The following FILIP1 variants were observed in gnomAD, a reference collection of about 807,000 sequenced individuals.
FILIP1 encodes the protein filamin A interacting protein 1, also known as filamin-A-interacting protein 1.
FILIP1 carries 61 observed loss-of-function variants against 102.1 expected under a neutral mutation model. That is an observed-to-expected ratio of 0.60 (90% confidence interval 0.49 to 0.74). FILIP1 has a LOEUF of 0.74. FILIP1 is among the 30% of genes least tolerant of loss of function. The pLI, the probability that FILIP1 is intolerant of heterozygous loss-of-function variation, is 0.00. For synonymous variants in FILIP1, 491 were observed against 526.9 expected (o/e 0.93, Z 0.93); for missense variants, 1,314 against 1,441.2 (o/e 0.91, Z 1.43).
chr6:75,319,733 G>T, intron 4 of FILIP1: 1 of 323,190 alleles, frequency 3.1e-6, no homozygotes, highest in Non-Finnish European at 5.9e-6. Context: ...CGGAGGCTGA[G>T]GCAGGATAAT....
Position 75,442,996 on chromosome 6 carries a change from T to C in FILIP1, c.-6-28018A>G, listed in dbSNP as rs193279369. On this transcript the variant is annotated intron_variant, in intron 1 of 5. Coordinates refer to ENST00000237172, the MANE Select transcript of FILIP1 (RefSeq NM_015687.5). ...AAGTGAACCTAAGATAGCTTTATATTTATGGTCCACAGTGAAAAATCTTGG... is the reference window on the plus strand; with the variant it reads ...AAGTGAACCTAAGATAGCTTTATATCTATGGTCCACAGTGAAAAATCTTGG... Among the ~76,000 whole-genome samples, 4 of 152,330 alleles carry C rather than the reference T, an allele frequency of 2.6e-5. No homozygotes were observed. In the East Asian group the frequency reaches 7.7e-4, roughly 29 times the overall value.
intron 3 of FILIP1, among the ~76,000 whole-genome samples, chr6:75,358,855 T>C (rs1775088660): frequency 6.6e-6 from 1 of 151,504 alleles, no homozygotes; most frequent in African/African-American, 2.4e-5. Context: ...CCCGAGTAGC[T>C]GGGACCACAG....
At chr6:75,470,064 A>G (rs1779284710) in intron 1 of FILIP1, among the ~76,000 whole-genome samples, 2 of 152,140 alleles carry the variant, frequency 1.3e-5, no homozygotes, top group Admixed American at 6.5e-5. Flanking sequence ...TGGACATCCT[A>G]GCCAATGGAA....
chr6:75,436,131 G>C (rs906267402), intron 1 of FILIP1, among the ~76,000 whole-genome samples: 1 of 152,060 alleles, frequency 6.6e-6, no homozygotes, highest in Non-Finnish European at 1.5e-5. Flanking sequence ...CCAGCACTTT[G>C]GGAGGCCGAG....
At chr6:75,408,802 C>T (rs893530941) in intron 2 of FILIP1, among the ~76,000 whole-genome samples, 4 of 152,090 alleles carry the variant, frequency 2.6e-5, no homozygotes. Flanking sequence ...CTTTGTATGT[C>T]ACCCTATTTC....
chr6:75,442,288 G>T (rs1778289566), intron 1 of FILIP1, among the ~76,000 whole-genome samples: 1 of 151,556 alleles, frequency 6.6e-6, no homozygotes, highest in Admixed American at 6.6e-5. Context: ...CCAGGCAGAG[G>T]GGCTCCTCAC....
chr6:75,393,447 A>G (rs9343285), intron 2 of FILIP1, among the ~76,000 whole-genome samples: 1 of 152,202 alleles, frequency 6.6e-6, no homozygotes, highest in Non-Finnish European at 1.5e-5. Context: ...CCAAGTTTTT[A>G]AAAAGTAAAA....
intron 1 of FILIP1, among the ~76,000 whole-genome samples, chr6:75,428,098 T>C (rs887921969): frequency 1.3e-5 from 2 of 152,166 alleles, no homozygotes; most frequent in Non-Finnish European, 2.9e-5. Context: ...CAGACATATC[T>C]TTTTCCTCCT....
At position 75,312,453 on chromosome 6, in the gene FILIP1, T is replaced by A. The variant is rs1410724466; in HGVS notation, c.3379A>T (p.Ser1127Cys). The A allele has an allele frequency of 5.0e-6, 8 of 1,614,030 alleles. No homozygotes were observed. Among genetic ancestry groups the A allele is most frequent in the Non-Finnish European group, 6.8e-6 (8 of 1,180,042 alleles). Residue 1127 changes from serine to cysteine, a missense_variant, in exon 5 of 6, where the codon AGC becomes TGC. Ser to Cys is a moderately radical substitution (Grantham distance 112). Transcript: ENST00000237172. Reference sequence around the variant, plus strand: ...GTGACCGGTGTTATGGTGATAGTGCTCGTCACTTTGCTTGCACCAGGCCGT... The same window carrying A: ...GTGACCGGTGTTATGGTGATAGTGCACGTCACTTTGCTTGCACCAGGCCGT... The part of the protein sequence containing the change: ...SSRPGASKVT[S>C]TITITPVTTS...
chr6:75,484,270 T>G (rs1177393662), intron 1 of FILIP1, among the ~76,000 whole-genome samples: 1 of 151,968 alleles, frequency 6.6e-6, no homozygotes, highest in Non-Finnish European at 1.5e-5. Context: ...CTACCAAGGG[T>G]TGAATAATCA....
intron 1 of FILIP1, among the ~76,000 whole-genome samples, chr6:75,416,068 T>C (rs1015586494): frequency 1.3e-5 from 2 of 152,120 alleles, no homozygotes; most frequent in African/African-American, 4.8e-5. Context: ...GCCCTTACCA[T>C]GAACAGCTAA....
intron 4 of FILIP1, among the ~76,000 whole-genome samples, chr6:75,326,385 T>C (rs143509205): frequency 5.9e-5 from 9 of 152,202 alleles, no homozygotes; most frequent in East Asian, 1.9e-4. Context: ...AGACTACACA[T>C]TGAGTTCAGC....
intron 1 of FILIP1, among the ~76,000 whole-genome samples, chr6:75,441,299 A>G (rs1324834180): frequency 1.3e-5 from 2 of 152,186 alleles, no homozygotes; most frequent in East Asian, 1.9e-4. Context: ...AGGGTTGGGG[A>G]TAAGGTCACA....
rs1204933172 is a variant in FILIP1, at chr6:75,299,545, C to T, written c.3494-3595G>A. 7.9e-5 allele frequency among the ~76,000 whole-genome samples: 12 copies of T among 152,212 alleles called. No individual in the cohort carries two copies. In the South Asian group the frequency reaches 1.7e-3, roughly 21 times the overall value. On this transcript the variant is annotated intron_variant, in intron 6 of 6. Coordinates refer to the FILIP1 transcript ENST00000393004. ...TTTAAAAACCCTAAATTTCAATGAA[C>T]ATATACATATGAGACACTGAGTTTT...
chr6:75,317,736 T>C (rs1284981560), intron 4 of FILIP1, among the ~76,000 whole-genome samples: 1 of 152,180 alleles, frequency 6.6e-6, no homozygotes, highest in Non-Finnish European at 1.5e-5. Context: ...CCTCCTATTC[T>C]CTTTCACCAC....
At chr6:75,376,933 C>G (rs534455863) in intron 2 of FILIP1, among the ~76,000 whole-genome samples, 1 of 152,164 alleles carries the variant, frequency 6.6e-6, no homozygotes, top group Non-Finnish European at 1.5e-5. Flanking sequence ...TCCCTCATCA[C>G]CACTGTCAAA....
At chr6:75,368,795 A>T (rs556320745) in intron 2 of FILIP1, among the ~76,000 whole-genome samples, 2 of 152,332 alleles carry the variant, frequency 1.3e-5, no homozygotes, top group East Asian at 3.9e-4. Flanking sequence ...TAAGCCATGC[A>T]ATGAGTTTGG....
At chr6:75,442,794 C>G (rs965231055) in intron 1 of FILIP1, among the ~76,000 whole-genome samples, 1 of 152,092 alleles carries the variant, frequency 6.6e-6, no homozygotes, top group African/African-American at 2.4e-5. Flanking sequence ...CTCTTTCTTC[C>G]CACTCTATTT....
At chr6:75,490,086 T>C (rs2149788481) in intron 1 of FILIP1, among the ~76,000 whole-genome samples, 1 of 152,150 alleles carries the variant, frequency 6.6e-6, no homozygotes, top group Non-Finnish European at 1.5e-5. Context: ...AATGCTCACC[T>C]GCCAAAAAAT....
Sources: allele counts gnomAD v4.1 joint callset (sites outside exome capture counted in the v4.1 genomes callset), GRCh38; gene constraint gnomAD v4.1.1; transcripts MANE v1.5; gene names NCBI Gene and HGNC (gene_info 2026-07-23, HGNC 2026-07-21).